The following PEX26 variants were observed in gnomAD, a reference collection of about 807,000 sequenced individuals.
PEX26 encodes the protein peroxisomal biogenesis factor 26, also known as peroxisome assembly protein 26.
A neutral mutation model predicts 31.4 loss-of-function variants in PEX26; 18 were observed. That is an observed-to-expected ratio of 0.57 (90% confidence interval 0.40 to 0.85). The LOEUF (loss-of-function observed/expected upper bound fraction) is 0.85. PEX26 is among the 40% of genes least tolerant of loss of function. The pLI, the probability that PEX26 is intolerant of heterozygous loss-of-function variation, is 0.00. For synonymous variants in PEX26, 176 were observed against 166.9 expected (o/e 1.05, Z -0.42); for missense variants, 377 against 383.9 (o/e 0.98, Z 0.15).
rs1217549568 is a variant in PEX26 at position 18,098,713 on chromosome 22, G to A, written c.*10638G>A. 3 of 151,620 alleles carry A rather than the reference G, an allele frequency of 2.0e-5. No individual in the cohort carries two copies. The highest frequency in any genetic ancestry group is 4.8e-5 in the African/African-American group (2 of 41,258). The allele number at this position is 151,620 out of a possible 1,614,324, so 9.4% of individuals were successfully genotyped here. Reference sequence around the variant, plus strand: ...GTGTAAAATGAGTAAAAGTCTATAAGAAAAACTTTGAAAAGTATTAAGTAA... The same window carrying A: ...GTGTAAAATGAGTAAAAGTCTATAAAAAAAACTTTGAAAAGTATTAAGTAA... On this transcript the variant is annotated 3_prime_UTR_variant, in exon 5 of 5. Coordinates refer to ENST00000399744, the MANE Select transcript of PEX26 (RefSeq NM_001127649.3).
intron 4 of PEX26, 101 bp from the exon 5 acceptor site, chr22:18,087,871 C>T (rs1926906181): frequency 1.2e-6 from 1 of 827,256 alleles, no homozygotes; most frequent in Non-Finnish European, 2.1e-6. Context: ...AAAACAAAAC[C>T]AACTATGTGT....
Position 18,101,553 on chromosome 22 carries a change from T to G in PEX26, c.*13478T>G, listed in dbSNP as rs1927450746. The G allele has an allele frequency of 6.1e-6, 1 of 163,024 alleles. No homozygotes were observed. The highest frequency in any genetic ancestry group is 2.0e-4 in the South Asian group (1 of 5,086). The allele number at this position is 163,024 out of a possible 1,614,324, so 10.1% of individuals were successfully genotyped here. ...ACTGCTGCAGAAAGTGATCTCTTACTCATACTTCAAGACACAGCCTAAGTA... is the reference window on the plus strand; with the variant it reads ...ACTGCTGCAGAAAGTGATCTCTTACGCATACTTCAAGACACAGCCTAAGTA... On this transcript the variant is annotated 3_prime_UTR_variant, in exon 5 of 5. Coordinates refer to ENST00000399744, the MANE Select transcript of PEX26 (RefSeq NM_001127649.3).
Position 18,095,504 on chromosome 22 carries a change from A to G in PEX26, c.*7429A>G, listed in dbSNP as rs1253385683. The G allele has an allele frequency of 6.6e-6, 1 of 151,988 alleles. No homozygotes were observed. The highest frequency in any genetic ancestry group is 2.4e-5 in the African/African-American group (1 of 41,378). 9.4% of individuals were successfully genotyped at this position (151,988 alleles called of 1,614,324 possible). A position where few individuals can be genotyped will look rare whatever the true frequency, so the allele number is the denominator to read the frequency against. On this transcript the variant is annotated 3_prime_UTR_variant, in exon 5 of 5. Transcript: ENST00000399744. ...TCCCAGTCCCTCTGTGGGCTCTGAC[A>G]TCTCTGTCCGGCGGGCACCCCCTGC...
At chr22:18,078,975 CTGA>C (rs1260364958) in intron 1 of PEX26, 3 of 393,886 alleles carry the variant, frequency 7.6e-6, no homozygotes, top group African/African-American at 6.2e-5. Context: ...CTGACCTTGG[CTGA>C]TGATGGGGAA....
rs1927116435 is a variant in PEX26, at chr22:18,091,986, C to A, written c.*3911C>A. 1 of 152,378 alleles carries A rather than the reference C, an allele frequency of 6.6e-6. No individual in the cohort carries two copies. Among genetic ancestry groups the A allele is most frequent in the South Asian group, 2.1e-4 (1 of 4,830 alleles). The allele number at this position is 152,378 out of a possible 1,614,324, so 9.4% of individuals were successfully genotyped here. A position where few individuals can be genotyped will look rare whatever the true frequency, so the allele number is the denominator to read the frequency against. On this transcript the variant is annotated 3_prime_UTR_variant, in exon 5 of 5. Transcript: ENST00000399744. ...ACATCTAGAAGGTGGCCTCTGCTAT[C>A]CACTTAAAGCAGCCCAAGGAACTGT...
rs1927380466 is a variant in PEX26, at chr22:18,099,132, G to A, written c.*11057G>A. ...TTGTGAGGGAATGTTCTGTATGTCT[G>A]AAGACAAAGTCTGGAGATTGGTGGG... On this transcript the variant is annotated 3_prime_UTR_variant, in exon 5 of 5. Coordinates refer to ENST00000399744, the MANE Select transcript of PEX26 (RefSeq NM_001127649.3). 1 of 152,256 alleles carries A rather than the reference G, an allele frequency of 6.6e-6. No homozygotes were observed. The highest frequency in any genetic ancestry group is 2.4e-5 in the African/African-American group (1 of 41,472). 9.4% of individuals were successfully genotyped at this position (152,256 alleles called of 1,614,324 possible).
chr22:18,100,586 TCTA>T lies in PEX26; in HGVS notation c.*12514_*12516del, dbSNP rs1927423844. ...TGAAAAGTCAGTACAGATTCTCACT[TCTA>T]CTTAAAAAATCAAAGGTACACATTG... On this transcript the variant is annotated 3_prime_UTR_variant, in exon 5 of 5. Coordinates refer to ENST00000399744, the MANE Select transcript of PEX26 (RefSeq NM_001127649.3). The T allele has an allele frequency of 6.6e-6, 1 of 152,228 alleles. No homozygotes were observed. The highest frequency in any genetic ancestry group is 1.5e-5 in the Non-Finnish European group (1 of 68,046). 9.4% of individuals were successfully genotyped at this position (152,228 alleles called of 1,614,324 possible).
At chr22:18,084,717 TA>T (rs1262459362) in intron 3 of PEX26, among the ~76,000 whole-genome samples, 5 of 151,644 alleles carry the variant, frequency 3.3e-5, no homozygotes, top group African/African-American at 1.2e-4. Flanking sequence ...ACCCTTTTAC[TA>T]AACTCTTTTT....
intron 2 of PEX26, chr22:18,081,621 C>A: frequency 6.0e-6 from 1 of 166,800 alleles, no homozygotes; most frequent in Non-Finnish European, 1.3e-5. Context: ...TGCTTAGGTG[C>A]AGAGATTTGC....
chr22:18,101,034 T>C lies in PEX26; in HGVS notation c.*12959T>C, dbSNP rs1341961098. The C allele has an allele frequency of 6.6e-6, 1 of 152,220 alleles. No homozygotes were observed. Among genetic ancestry groups the C allele is most frequent in the East Asian group, 1.9e-4 (1 of 5,206 alleles). 9.4% of individuals were successfully genotyped at this position (152,220 alleles called of 1,614,324 possible). ...GCAACTAAAAGGCTCACAGATACTC[T>C]GATCTTTAAGCAGATAATCATGGAA... On this transcript the variant is annotated 3_prime_UTR_variant, in exon 5 of 5. Transcript: ENST00000399744.
intron 1 of PEX26, chr22:18,079,111 G>A (rs1602456226): frequency 1.2e-5 from 7 of 584,378 alleles, no homozygotes; most frequent in Admixed American, 6.3e-5. Flanking sequence ...GAGGCAGGAG[G>A]ATTGCTTGAG....
chr22:18,097,198 A>G lies in PEX26; in HGVS notation c.*9123A>G, dbSNP rs1314804512. On this transcript the variant is annotated 3_prime_UTR_variant, in exon 5 of 5. Coordinates refer to ENST00000399744, the MANE Select transcript of PEX26 (RefSeq NM_001127649.3). ...GAGTGGGGACACAGAGCCAAACCATATCACCTCCCATCTCTTCATTTAGCA... is the reference window on the plus strand; with the variant it reads ...GAGTGGGGACACAGAGCCAAACCATGTCACCTCCCATCTCTTCATTTAGCA... The G allele has an allele frequency of 1.3e-5, 2 of 151,752 alleles. No homozygotes were observed. The highest frequency in any genetic ancestry group is 2.9e-5 in the Non-Finnish European group (2 of 67,998). The allele number at this position is 151,752 out of a possible 1,614,324, so 9.4% of individuals were successfully genotyped here.
Position 18,103,930 on chromosome 22 carries a change from T to A in PEX26, c.*15855T>A, listed in dbSNP as rs1187184648. The A allele has an allele frequency of 1.3e-5, 2 of 152,194 alleles. No homozygotes were observed. Among genetic ancestry groups the A allele is most frequent in the African/African-American group, 4.8e-5 (2 of 41,432 alleles). 9.4% of individuals were successfully genotyped at this position (152,194 alleles called of 1,614,324 possible). A position where few individuals can be genotyped will look rare whatever the true frequency, so the allele number is the denominator to read the frequency against. On this transcript the variant is annotated 3_prime_UTR_variant, in exon 5 of 5. Transcript: ENST00000399744. ...TTCTTTCTGGGTTTTTCTCTTGGGC[T>A]GGTTTTTGAAAGTGGATCTACAACA...
In PEX26 at chr22:18,078,583, C is replaced by T. The variant is rs375516973; in HGVS notation, c.207C>T (p.Ala69=). 5.3e-4 allele frequency: 855 copies of T among 1,600,096 alleles called. No homozygotes were observed. Among genetic ancestry groups the T allele is most frequent in the Non-Finnish European group, 6.9e-4 (810 of 1,175,818 alleles). ...CCTGGCAGAGTCTGGCCAACCACGC[C>T]GTGGCAGAGGAACCCGCGGGCACGT... ...ERAWQSLANH[A]VAEEPAGTSL... Residue 69 remains alanine, a synonymous_variant, in exon 1 of 5, where the codon GCC becomes GCT. Coordinates refer to ENST00000399744, the MANE Select transcript of PEX26 (RefSeq NM_001127649.3).
rs901236294 is a variant in PEX26, at chr22:18,099,823, G to A, written c.*11748G>A. 2.0e-5 allele frequency: 3 copies of A among 152,112 alleles called. No homozygotes were observed. The highest frequency in any genetic ancestry group is 2.9e-5 in the Non-Finnish European group (2 of 68,038). The allele number at this position is 152,112 out of a possible 1,614,324, so 9.4% of individuals were successfully genotyped here. The stretch of plus-strand genomic sequence containing the variant: ...CACTCCAATCCCTGCCTCAGTCTTC[G>A]CTTGACCTTCTTCGTACCTCTGTAT... On this transcript the variant is annotated 3_prime_UTR_variant, in exon 5 of 5. Coordinates refer to ENST00000399744, the MANE Select transcript of PEX26 (RefSeq NM_001127649.3).
At chr22:18,084,340 G>T (rs1180765095) in intron 3 of PEX26, among the ~76,000 whole-genome samples, 1 of 150,364 alleles carries the variant, frequency 6.7e-6, no homozygotes, top group East Asian at 2.0e-4. Context: ...CACCTCTCAG[G>T]TTCACGCCAT....
rs1161408792 is a variant in PEX26, at chr22:18,082,253, G to T, written c.372-1184G>T. Among the ~76,000 whole-genome samples the T allele has an allele frequency of 2.0e-5, 3 of 151,894 alleles. 1 individual carries two copies. The highest frequency in any genetic ancestry group is 4.4e-5 in the Non-Finnish European group (3 of 67,996). On this transcript the variant is annotated intron_variant, in intron 2 of 4. Transcript: ENST00000399744. ...GTCCATTTTTGCTTTTGTTACCAGT[G>T]CTTTTAAGGTCTTACTGAAAAAAAC...
chr22:18,083,228 G>C, intron 2 of PEX26, among the ~76,000 whole-genome samples: 1 of 152,190 alleles, frequency 6.6e-6, no homozygotes, highest in Non-Finnish European at 1.5e-5. Context: ...TGATCTTAGA[G>C]GAAAGGCTTT....
intron 1 of PEX26, among the ~76,000 whole-genome samples, chr22:18,079,535 C>T (rs1298874976): frequency 6.6e-6 from 1 of 152,226 alleles, no homozygotes; most frequent in Admixed American, 6.5e-5. Context: ...AGAGCAAACT[C>T]TTAGTTCCAG....
Sources: allele counts gnomAD v4.1 joint callset (sites outside exome capture counted in the v4.1 genomes callset), GRCh38; gene constraint gnomAD v4.1.1; transcripts MANE v1.5; gene names NCBI Gene and HGNC (gene_info 2026-07-23, HGNC 2026-07-21).